The following INPP4B variants were observed in gnomAD, a reference collection of about 807,000 sequenced individuals.
The protein encoded by INPP4B is inositol polyphosphate 4-phosphatase type II.
In INPP4B, 55 loss-of-function variants were observed where a neutral mutation model predicts 122.5. The observed-to-expected ratio is 0.45, with a 90% CI of 0.36 to 0.56. The LOEUF (loss-of-function observed/expected upper bound fraction) is 0.56. INPP4B is among the 20% of genes least tolerant of loss of function. The pLI is 0.00. For missense variants in INPP4B, 1,000 were observed against 1,097.7 expected, an observed-to-expected ratio of 0.91 and a Z score of 1.26; for synonymous variants, 403 against 388.7, an observed-to-expected ratio of 1.04 and a Z score of -0.43.
intron 9 of INPP4B, among the ~76,000 whole-genome samples, chr4:142,295,352 G>A (rs1467302735): frequency 6.6e-6 from 1 of 152,200 alleles, no homozygotes; most frequent in Non-Finnish European, 1.5e-5. Context: ...TGGGGGTATA[G>A]CACCTGCATG....
At chr4:142,500,091 G>T (rs1254773257) in intron 2 of INPP4B, among the ~76,000 whole-genome samples, 1 of 152,168 alleles carries the variant, frequency 6.6e-6, no homozygotes, top group Non-Finnish European at 1.5e-5. Flanking sequence ...CCAATTCTGA[G>T]TCAAACTAAT....
intron 2 of INPP4B, among the ~76,000 whole-genome samples, chr4:142,629,223 A>G (rs1420982285): frequency 6.6e-6 from 1 of 152,066 alleles, no homozygotes; most frequent in Non-Finnish European, 1.5e-5. Context: ...ATCAATCAAT[A>G]TTGAATGATC....
At chr4:142,479,277 A>G (rs1820195983) in intron 2 of INPP4B, among the ~76,000 whole-genome samples, 1 of 152,200 alleles carries the variant, frequency 6.6e-6, no homozygotes, top group Admixed American at 6.5e-5. Context: ...ACCATCTCAC[A>G]TGAGACAGAA....
chr4:142,685,615 C>T (rs1439743917), intron 2 of INPP4B, among the ~76,000 whole-genome samples: 3 of 152,040 alleles, frequency 2.0e-5, no homozygotes, highest in African/African-American at 7.2e-5. Flanking sequence ...TAGGTTTCCG[C>T]CAGTCACGTT....
chr4:142,194,704 G>A (rs1837430028), intron 14 of INPP4B, among the ~76,000 whole-genome samples: 3 of 152,158 alleles, frequency 2.0e-5, no homozygotes, highest in Admixed American at 1.3e-4. Context: ...GAGAGTCAGT[G>A]TTCCCTGGTG....
At chr4:142,372,860 CCTG>C (rs2148724833) in intron 7 of INPP4B, among the ~76,000 whole-genome samples, 1 of 152,126 alleles carries the variant, frequency 6.6e-6, no homozygotes, top group East Asian at 1.9e-4. Context: ...TACACTGACT[CCTG>C]CTGCCTTCCT....
intron 2 of INPP4B, among the ~76,000 whole-genome samples, chr4:142,558,645 C>A (rs969874569): frequency 1.6e-5 from 2 of 127,848 alleles, no homozygotes; most frequent in East Asian, 9.9e-4. Context: ...TGGTATAATT[C>A]AGTGGGTGTT....
At chr4:142,829,299 C>T (rs544350211) in intron 1 of INPP4B, among the ~76,000 whole-genome samples, 3 of 152,022 alleles carry the variant, frequency 2.0e-5, no homozygotes, top group East Asian at 3.9e-4. Flanking sequence ...ATATAATGAC[C>T]CCTGACTTCT....
chr4:142,235,372 TTATGTTAATGAATA>T (rs1856236560), intron 12 of INPP4B, among the ~76,000 whole-genome samples: 3 of 150,792 alleles, frequency 2.0e-5, no homozygotes, highest in South Asian at 2.1e-4. Context: ...TAATAATATA[TTATGTTAATGAATA>T]TATGTTAATG....
At chr4:142,263,212 G>A (rs1740923390) in intron 10 of INPP4B, among the ~76,000 whole-genome samples, 1 of 152,238 alleles carries the variant, frequency 6.6e-6, no homozygotes, top group East Asian at 1.9e-4. Flanking sequence ...CTCAATGGGA[G>A]GACTTTTCCT....
chr4:142,394,720 C>T (rs540492360), intron 7 of INPP4B, among the ~76,000 whole-genome samples: 4 of 152,222 alleles, frequency 2.6e-5, no homozygotes, highest in Admixed American at 2.6e-4. Context: ...ATATTATCCC[C>T]TTATCAGATG....
At chr4:142,613,632 G>A (rs1286789264) in intron 2 of INPP4B, among the ~76,000 whole-genome samples, 1 of 152,132 alleles carries the variant, frequency 6.6e-6, no homozygotes, top group East Asian at 1.9e-4. Context: ...CTCATGTTCT[G>A]TGAATATATC....
intron 2 of INPP4B, among the ~76,000 whole-genome samples, chr4:142,625,238 G>A (rs1213926486): frequency 6.6e-6 from 1 of 151,450 alleles, no homozygotes; most frequent in African/African-American, 2.4e-5. Context: ...AAACCCCATT[G>A]TCTCAGCCCA....
chr4:142,517,459 C>A (rs1167211422), intron 2 of INPP4B, among the ~76,000 whole-genome samples: 1 of 152,122 alleles, frequency 6.6e-6, no homozygotes, highest in Non-Finnish European at 1.5e-5. Flanking sequence ...AGACAGTTGG[C>A]TTCCCGGAAC....
At chr4:142,617,241 C>T (rs1743908038) in intron 2 of INPP4B, among the ~76,000 whole-genome samples, 1 of 152,074 alleles carries the variant, frequency 6.6e-6, no homozygotes, top group African/African-American at 2.4e-5. Flanking sequence ...TACTCTGTGC[C>T]TACAGCCGCA....
intron 3 of INPP4B, among the ~76,000 whole-genome samples, chr4:142,459,076 G>C (rs1240289980): frequency 2.6e-5 from 4 of 152,268 alleles, no homozygotes; most frequent in Non-Finnish European, 4.4e-5. Context: ...CATTCCACCA[G>C]TAACCTAGAA....
intron 8 of INPP4B, among the ~76,000 whole-genome samples, chr4:142,308,605 A>G (rs1579687856): frequency 6.6e-6 from 1 of 152,170 alleles, no homozygotes; most frequent in African/African-American, 2.4e-5. Flanking sequence ...ACATTGTAAA[A>G]GAATGAATGA....
chr4:142,807,618 A>G (rs527536122), intron 1 of INPP4B, among the ~76,000 whole-genome samples: 20 of 152,294 alleles, frequency 1.3e-4, no homozygotes, highest in Admixed American at 2.6e-4. Context: ...TGGAAGGAGC[A>G]AGACCAAAGC....
intron 1 of INPP4B, among the ~76,000 whole-genome samples, chr4:142,763,817 C>T (rs564801306): frequency 9.2e-5 from 14 of 151,968 alleles, no homozygotes; most frequent in Admixed American, 8.5e-4. Flanking sequence ...ACAAATTTTG[C>T]TTTGTAAAAA....
Sources: allele counts gnomAD v4.1 joint callset (sites outside exome capture counted in the v4.1 genomes callset), GRCh38; gene constraint gnomAD v4.1.1; transcripts MANE v1.5; gene names NCBI Gene and HGNC (gene_info 2026-07-23, HGNC 2026-07-21).